Variants in TNFSF13B observed in about 807,000 individuals in gnomAD.
TNFSF13B encodes TNF superfamily member 13b.
In TNFSF13B, 8 loss-of-function variants were observed where a neutral mutation model predicts 29.1. The ratio of observed to expected loss-of-function variants is 0.27; its 90% CI spans 0.16 to 0.50. The LOEUF (loss-of-function observed/expected upper bound fraction) is 0.50, where lower values mean the gene tolerates loss of function less well. TNFSF13B is among the 20% of genes least tolerant of loss of function. The pLI is 0.98. For synonymous variants in TNFSF13B, 125 were observed against 130.8 expected (o/e 0.96, Z 0.30); for missense variants, 248 against 334.9 (o/e 0.74, Z 2.03).
intron 3 of TNFSF13B, among the ~76,000 whole-genome samples, chr13:108,299,095 A>G (rs1246367414): frequency 6.8e-6 from 1 of 146,260 alleles, no homozygotes; most frequent in African/African-American, 2.6e-5. Flanking sequence ...CTCTCCATTT[A>G]TTTAGTTCTT....
At position 108,288,221 on chromosome 13, in the gene TNFSF13B, A is replaced by G. The variant is rs933192037; in HGVS notation, c.481+1362A>G. 2.0e-5 allele frequency among the ~76,000 whole-genome samples: 3 copies of G among 152,334 alleles called. No homozygotes were observed. In the South Asian group the frequency reaches 6.2e-4, roughly 32 times the overall value. On this transcript the variant is annotated intron_variant, in intron 3 of 5. Coordinates refer to ENST00000375887, the MANE Select transcript of TNFSF13B (RefSeq NM_006573.5). ...AACAAAAATGTACTAAAAAAGAACC[A>G]TTCGTTCACTCACACATTCATTGAT... is the stretch of plus-strand genomic sequence containing the variant.
rs547256942 is a variant in TNFSF13B at position 108,288,369 on chromosome 13, ATAAACCCATCC to A, written c.481+1514_481+1524del. Among the ~76,000 whole-genome samples the A allele has an allele frequency of 1.1e-4, 17 of 152,320 alleles. 1 individual carries two copies. The East Asian group carries it at 3.1e-3, about 28-fold the overall frequency. On this transcript the variant is annotated intron_variant, in intron 3 of 5. Coordinates refer to ENST00000375887, the MANE Select transcript of TNFSF13B (RefSeq NM_006573.5). ...TGGCTTACAATGGAGTTATGTCCTG[ATAAACCCATCC>A]TAAGCTGAAAATAACGGGCCTTGAA...
intron 2 of TNFSF13B, among the ~76,000 whole-genome samples, chr13:108,270,870 T>G (rs1471397374): frequency 6.6e-6 from 1 of 152,228 alleles, no homozygotes; most frequent in Non-Finnish European, 1.5e-5. Flanking sequence ...ACATTACATG[T>G]TGTGAAACCA....
intron 3 of TNFSF13B, among the ~76,000 whole-genome samples, chr13:108,290,630 C>T (rs1020420732): frequency 3.3e-5 from 5 of 151,092 alleles, no homozygotes; most frequent in Non-Finnish European, 4.4e-5. Flanking sequence ...TCCATTTTTT[C>T]GTTGGACTTG....
intron 2 of TNFSF13B, among the ~76,000 whole-genome samples, chr13:108,278,609 CCCCTTCTCT>C (rs1418404676): frequency 8.6e-3 from 4 of 466 alleles, no homozygotes; most frequent in East Asian, 0.056. Flanking sequence ...TCCTCCTCCT[CCCCTTCTCT>C]TCCTCCTCCT....
At chr13:108,284,079 C>T (rs1881041432) in intron 2 of TNFSF13B, among the ~76,000 whole-genome samples, 1 of 152,108 alleles carries the variant, frequency 6.6e-6, no homozygotes, top group Non-Finnish European at 1.5e-5. Flanking sequence ...GTCTGTAATC[C>T]CAGCACTTTG....
intron 2 of TNFSF13B, 106 bp from the exon 3 acceptor site, chr13:108,286,697 T>C: frequency 1.7e-6 from 1 of 601,424 alleles, no homozygotes. Flanking sequence ...ATGTAAAAAG[T>C]ATAATTGATT....
intron 3 of TNFSF13B, among the ~76,000 whole-genome samples, chr13:108,301,706 C>A (rs1187704532): frequency 6.6e-6 from 1 of 152,000 alleles, no homozygotes; most frequent in African/African-American, 2.4e-5. Context: ...TGGAGGAATA[C>A]GTTCAAGAGA....
At chr13:108,282,434 T>G (rs934474200) in intron 2 of TNFSF13B, among the ~76,000 whole-genome samples, 1 of 152,198 alleles carries the variant, frequency 6.6e-6, no homozygotes, top group Non-Finnish European at 1.5e-5. Flanking sequence ...AACTTTCAAA[T>G]CACTTTTTCT....
intron 2 of TNFSF13B, among the ~76,000 whole-genome samples, chr13:108,273,071 T>A (rs1048998166): frequency 2.6e-5 from 4 of 152,114 alleles, no homozygotes; most frequent in South Asian, 4.1e-4. Flanking sequence ...TGAAAAAAAA[T>A]TTGCCCAGAT....
intron 3 of TNFSF13B, among the ~76,000 whole-genome samples, chr13:108,290,998 T>A (rs1473253920): frequency 1.3e-5 from 2 of 151,990 alleles, no homozygotes; most frequent in Non-Finnish European, 2.9e-5. Flanking sequence ...ATCGCCCATC[T>A]TTTCCAGACT....
intron 3 of TNFSF13B, among the ~76,000 whole-genome samples, chr13:108,294,031 A>C (rs921379791): frequency 6.6e-6 from 1 of 152,168 alleles, no homozygotes; most frequent in African/African-American, 2.4e-5. Context: ...AACGGATGCT[A>C]CTGTAAATGG....
intron 2 of TNFSF13B, among the ~76,000 whole-genome samples, chr13:108,271,901 TC>T (rs1389340703): frequency 6.6e-6 from 1 of 152,146 alleles, no homozygotes; most frequent in East Asian, 1.9e-4. Flanking sequence ...TGCACAGAAC[TC>T]TTTTATTTCT....
At chr13:108,284,105 G>A (rs1361898065) in intron 2 of TNFSF13B, among the ~76,000 whole-genome samples, 1 of 152,088 alleles carries the variant, frequency 6.6e-6, no homozygotes, top group Non-Finnish European at 1.5e-5. Flanking sequence ...CGAGGTGGGC[G>A]GTTCACGAGG....
chr13:108,275,448 T>C (rs1880737112), intron 2 of TNFSF13B, among the ~76,000 whole-genome samples: 1 of 152,080 alleles, frequency 6.6e-6, no homozygotes, highest in Non-Finnish European at 1.5e-5. Flanking sequence ...ATTTATGTGT[T>C]TTAGGATACA....
intron 2 of TNFSF13B, among the ~76,000 whole-genome samples, chr13:108,278,249 A>G (rs1880812413): frequency 6.6e-6 from 1 of 152,140 alleles, no homozygotes; most frequent in African/African-American, 2.4e-5. Flanking sequence ...TGCCAGTGAG[A>G]GAGACATCAA....
chr13:108,298,270 G>T (rs4145213), intron 3 of TNFSF13B, among the ~76,000 whole-genome samples: 68,960 of 143,164 alleles, frequency 0.48, 22,526 homozygotes, highest in Non-Finnish European at 0.62. Flanking sequence ...AATCTAAAAT[G>T]GCTCTAAAAA....
chr13:108,284,864 C>G lies in TNFSF13B; in HGVS notation c.425-1939C>G, dbSNP rs577806621. The stretch of plus-strand genomic sequence containing the variant: ...TTTTAAAATAGGTTGAATGTGGCTA[C>G]TACTGTACTACTATAGAGACTGTAC... On this transcript the variant is annotated intron_variant, in intron 2 of 5. Coordinates refer to ENST00000375887, the MANE Select transcript of TNFSF13B (RefSeq NM_006573.5). Among the ~76,000 whole-genome samples, 3 of 152,336 alleles carry G rather than the reference C, an allele frequency of 2.0e-5. No individual in the cohort carries two copies. The East Asian group carries it at 5.8e-4, about 29-fold the overall frequency.
Position 108,269,928 on chromosome 13 carries a change from C to A in TNFSF13B, c.33C>A (p.Arg11=). ...ACTCCACAGAAAGGGAGCAGTCACGCCTTACTTCTTGCCTTAAGAAAAGAG... is the reference window on the plus strand; with the variant it reads ...ACTCCACAGAAAGGGAGCAGTCACGACTTACTTCTTGCCTTAAGAAAAGAG... MDDSTEREQS[R]LTSCLKKREE... is the part of the protein sequence containing the mutation. Residue 11 remains arginine (R), a synonymous_variant, in exon 1 of 6, where the codon CGC becomes CGA. Coordinates refer to ENST00000375887, the MANE Select transcript of TNFSF13B (RefSeq NM_006573.5). The A allele has an allele frequency of 6.2e-7, 1 of 1,613,002 alleles. No homozygotes were observed. The highest frequency in any genetic ancestry group is 2.2e-5 in the East Asian group (1 of 44,876).
Sources: gnomAD v4.1 joint callset for allele counts (sites outside exome capture counted in the v4.1 genomes callset) on GRCh38, gnomAD v4.1.1 for gene constraint, MANE v1.5 for transcripts, NCBI Gene and HGNC (gene_info 2026-07-23, HGNC 2026-07-21) for gene names.